Variants in ASB18 observed in about 807,000 individuals in gnomAD.
The protein encoded by ASB18 is ankyrin repeat and SOCS box protein 18.
Under a neutral mutation model 33.4 loss-of-function variants are expected in ASB18, and 33 were observed. The observed-to-expected ratio is 0.99, with a 90% CI of 0.75 to 1.32. The LOEUF is 1.32. Ranked by LOEUF, ASB18 falls within the 40% of genes most tolerant of loss-of-function variation. ASB18 has a pLI of 0.00. For synonymous variants in ASB18, 295 were observed against 307.6 expected (o/e 0.96, Z 0.43); for missense variants, 694 against 655.5 (o/e 1.06, Z -0.64).
intron 3 of ASB18, among the ~76,000 whole-genome samples, chr2:236,218,282 A>G (rs190031220): frequency 1.2e-4 from 19 of 152,288 alleles, no homozygotes; most frequent in Admixed American, 5.9e-4. Flanking sequence ...TAGAGTGGGC[A>G]ATGATTTAAG....
chr2:236,213,931 G>A lies in ASB18; in HGVS notation c.1101+431C>T, dbSNP rs1447677736. The A allele has an allele frequency of 5.9e-6, 1 of 170,592 alleles. No individual in the cohort carries two copies. The highest frequency in any genetic ancestry group is 1.3e-5 in the Non-Finnish European group (1 of 80,000). 10.6% of individuals were successfully genotyped at this position (170,592 alleles called of 1,614,324 possible). On this transcript the variant is annotated intron_variant, in intron 4 of 5. Transcript: ENST00000409749. The surrounding 1 kb of genome is among the most constrained non-coding windows in gnomAD (Gnocchi z 4.8). ...TGGGTAATTTTGTTTCAGATCAAATGCCAGATGTGGCAAAAGACTGATTTT... is the reference window on the plus strand; with the variant it reads ...TGGGTAATTTTGTTTCAGATCAAATACCAGATGTGGCAAAAGACTGATTTT...
chr2:236,225,707 CA>C lies in ASB18; in HGVS notation c.597-10842del, dbSNP rs558297155. Among the ~76,000 whole-genome samples the C allele has an allele frequency of 6.6e-6, 1 of 152,066 alleles. No homozygotes were observed. The highest frequency in any genetic ancestry group is 1.5e-5 in the Non-Finnish European group (1 of 68,018). On this transcript the variant is annotated intron_variant, in intron 3 of 5. Coordinates refer to ENST00000409749, the MANE Select transcript of ASB18 (RefSeq NM_212556.4). The surrounding 1 kb of genome is among the most constrained non-coding windows in gnomAD (Gnocchi z 5.1). ...ACTTTTCTTTTTGGGAAAATCTCTT[CA>C]AAAGGCTCCTAGATTAAAGCTCTGA...
At chr2:236,206,099 T>C (rs1454977708) in intron 4 of ASB18, among the ~76,000 whole-genome samples, 2 of 152,226 alleles carry the variant, frequency 1.3e-5, no homozygotes, top group Non-Finnish European at 2.9e-5. Flanking sequence ...TTCTGATCCA[T>C]TTGTCCTAGG....
In ASB18 at chr2:236,216,047, T is replaced by C. The variant is rs564533469; in HGVS notation, c.597-1181A>G. ...CTCGTCATCTGCATCCTCAGTTCCC[T>C]TGAATGGAGGGGACCATGGCCATCC... On this transcript the variant is annotated intron_variant, in intron 3 of 5. Coordinates refer to ENST00000409749, the MANE Select transcript of ASB18 (RefSeq NM_212556.4). The surrounding 1 kb of genome is among the most constrained non-coding windows in gnomAD (Gnocchi z 6.1). 8.6e-4 allele frequency among the ~76,000 whole-genome samples: 131 copies of C among 152,248 alleles called. No individual in the cohort carries two copies. Among genetic ancestry groups the C allele is most frequent in the African/African-American group, 3.0e-3 (126 of 41,542 alleles).
chr2:236,252,096 C>A lies in ASB18; in HGVS notation c.206-10694G>T, dbSNP rs572435403. Among the ~76,000 whole-genome samples, 3 of 152,238 alleles carry A rather than the reference C, an allele frequency of 2.0e-5. No homozygotes were observed. The highest frequency in any genetic ancestry group is 4.1e-4 in the South Asian group (2 of 4,826). On this transcript the variant is annotated intron_variant, in intron 1 of 5. Coordinates refer to ENST00000409749, the MANE Select transcript of ASB18 (RefSeq NM_212556.4). This position sits in a 1 kb window ranked among gnomAD's most constrained non-coding sequence, Gnocchi z 7.9. ...GACCAGGCTGACCAACAGGGTAAAA[C>A]CCCGTCTCTACTAAAAGTACAAAAA...
rs916155467 is a variant in ASB18, at chr2:236,252,192, A to G, written c.206-10790T>C. Among the ~76,000 whole-genome samples the G allele has an allele frequency of 6.6e-6, 1 of 151,218 alleles. No homozygotes were observed. The highest frequency in any genetic ancestry group is 1.5e-5 in the Non-Finnish European group (1 of 67,864). On this transcript the variant is annotated intron_variant, in intron 1 of 5. Coordinates refer to ENST00000409749, the MANE Select transcript of ASB18 (RefSeq NM_212556.4). The surrounding 1 kb of genome is among the most constrained non-coding windows in gnomAD (Gnocchi z 7.9). ...AGGCTGAGACAGGAGAATTGCTTGA[A>G]CCCAGGAGGCAGAGGTTGCAGTGAG...
Position 236,231,397 on chromosome 2 carries a change from G to C in ASB18, c.596+6292C>G, listed in dbSNP as rs529408832. The stretch of plus-strand genomic sequence containing the variant: ...GATTAGGCCCTCATAGATGGGATTA[G>C]TGCCCTTATAAAAGGGCTTGAGGGA... On this transcript the variant is annotated intron_variant, in intron 3 of 5. Transcript: ENST00000409749. This position sits in a 1 kb window ranked among gnomAD's most constrained non-coding sequence, Gnocchi z 5.5. Among the ~76,000 whole-genome samples the C allele has an allele frequency of 9.1e-4, 139 of 152,266 alleles. No homozygotes were observed. The highest frequency in any genetic ancestry group is 3.1e-3 in the African/African-American group (129 of 41,564).
rs1332867449 is a variant in ASB18, at chr2:236,253,511, G to A, written c.205+10630C>T. ...TCCACCTCAGTCTCCTGAGTCGCTGGGACTACAGCCACTTGCTGGTTAACT... is the reference window on the plus strand; with the variant it reads ...TCCACCTCAGTCTCCTGAGTCGCTGAGACTACAGCCACTTGCTGGTTAACT... On this transcript the variant is annotated intron_variant, in intron 1 of 5. Coordinates refer to ENST00000409749, the MANE Select transcript of ASB18 (RefSeq NM_212556.4). This position sits in a 1 kb window ranked among gnomAD's most constrained non-coding sequence, Gnocchi z 5.4. Among the ~76,000 whole-genome samples, 3 of 150,826 alleles carry A rather than the reference G, an allele frequency of 2.0e-5. No homozygotes were observed. Among genetic ancestry groups the A allele is most frequent in the Non-Finnish European group, 2.9e-5 (2 of 67,866 alleles).
At position 236,200,171 on chromosome 2, in the gene ASB18, G is replaced by A. The variant is rs746403887; in HGVS notation, c.1102-3786C>T. The stretch of plus-strand genomic sequence containing the variant: ...ATACTAGCCTGGCCAACATGGTGAA[G>A]CTCCATCTCTACTAAAAATACAACA... On this transcript the variant is annotated intron_variant, in intron 4 of 5. Transcript: ENST00000409749. This position sits in a 1 kb window ranked among gnomAD's most constrained non-coding sequence, Gnocchi z 4.2. Among the ~76,000 whole-genome samples, 17 of 151,918 alleles carry A rather than the reference G, an allele frequency of 1.1e-4. No individual in the cohort carries two copies. The highest frequency in any genetic ancestry group is 2.4e-4 in the Non-Finnish European group (16 of 67,980).
In ASB18 at chr2:236,203,404, A is replaced by C. The variant is rs2060415642; in HGVS notation, c.1102-7019T>G. 6.6e-6 allele frequency among the ~76,000 whole-genome samples: 1 copy of C among 152,144 alleles called. No individual in the cohort carries two copies. Among genetic ancestry groups the C allele is most frequent in the Non-Finnish European group, 1.5e-5 (1 of 68,040 alleles). On this transcript the variant is annotated intron_variant, in intron 4 of 5. Transcript: ENST00000409749. This position sits in a 1 kb window ranked among gnomAD's most constrained non-coding sequence, Gnocchi z 6.0. ...AGGTTTGGGAGGTGAGAAGGAGCAA[A>C]TAATGTTGGCTGGGGCATGAGTCTG...
Position 236,214,100 on chromosome 2 carries a change from G to A in ASB18, c.1101+262C>T, listed in dbSNP as rs2060471805. ...TCACATGCAACCCCTTAATTGTCTCGTGGCTCTAACCAGAAGGCTTCTAGG... is the reference window on the plus strand; with the variant it reads ...TCACATGCAACCCCTTAATTGTCTCATGGCTCTAACCAGAAGGCTTCTAGG... On this transcript the variant is annotated intron_variant, in intron 4 of 5. Transcript: ENST00000409749. This position sits in a 1 kb window ranked among gnomAD's most constrained non-coding sequence, Gnocchi z 6.5. 8.2e-6 allele frequency: 4 copies of A among 487,494 alleles called. No individual in the cohort carries two copies. The South Asian group carries it at 9.0e-5, about 11-fold the overall frequency. The allele number at this position is 487,494 out of a possible 1,614,324, so 30.2% of individuals were successfully genotyped here.
rs1027186734 is a variant in ASB18, at chr2:236,204,541, A to G, written c.1102-8156T>C. ...TCCTTTGTCACTGACCCTCAAAGGT[A>G]TATCTCCAGGTTGGCCAAATCTCTC... On this transcript the variant is annotated intron_variant, in intron 4 of 5. Transcript: ENST00000409749. This position sits in a 1 kb window ranked among gnomAD's most constrained non-coding sequence, Gnocchi z 5.1. 5.3e-5 allele frequency among the ~76,000 whole-genome samples: 8 copies of G among 152,154 alleles called. No homozygotes were observed. Among genetic ancestry groups the G allele is most frequent in the African/African-American group, 1.9e-4 (8 of 41,434 alleles).
chr2:236,246,346 C>CAA (rs60064230), intron 1 of ASB18, among the ~76,000 whole-genome samples: 3,459 of 32,668 alleles, frequency 0.11, 940 homozygotes, highest in Non-Finnish European at 0.16. Context: ...GACTCCATCT[C>CAA]AAAAAAAAAA....
intron 1 of ASB18, among the ~76,000 whole-genome samples, chr2:236,246,346 CAAAAAAAAAAAAAAAA>C (rs60064230): frequency 2.1e-4 from 7 of 32,700 alleles, no homozygotes; most frequent in East Asian, 4.7e-3. Flanking sequence ...GACTCCATCT[CAAAAAAAAAAAAAAAA>C]AAAAAAAAAA....
At position 236,255,327 on chromosome 2, in the gene ASB18, A is replaced by G. The variant is rs554415062; in HGVS notation, c.205+8814T>C. 2.0e-5 allele frequency among the ~76,000 whole-genome samples: 3 copies of G among 152,058 alleles called. No homozygotes were observed. The highest frequency in any genetic ancestry group is 4.4e-5 in the Non-Finnish European group (3 of 67,970). On this transcript the variant is annotated intron_variant, in intron 1 of 5. Transcript: ENST00000409749. The surrounding 1 kb of genome is among the most constrained non-coding windows in gnomAD (Gnocchi z 4.4). ...CCCAGCTAATTTATATATTTTTTGTAGAGACGGGGTTTCACCATGTTGGCC... is the reference window on the plus strand; with the variant it reads ...CCCAGCTAATTTATATATTTTTTGTGGAGACGGGGTTTCACCATGTTGGCC...
Position 236,208,590 on chromosome 2 carries a change from A to G in ASB18, c.1101+5772T>C, listed in dbSNP as rs11687335. 6.6e-6 allele frequency among the ~76,000 whole-genome samples: 1 copy of G among 151,766 alleles called. No individual in the cohort carries two copies. Among genetic ancestry groups the G allele is most frequent in the Non-Finnish European group, 1.5e-5 (1 of 67,934 alleles). On this transcript the variant is annotated intron_variant, in intron 4 of 5. Coordinates refer to ENST00000409749, the MANE Select transcript of ASB18 (RefSeq NM_212556.4). This position sits in a 1 kb window ranked among gnomAD's most constrained non-coding sequence, Gnocchi z 7.7. ...CCCACCCTGGGAAGAGGTGCCCTCC[A>G]TTAGAGCAAAAGCACCACCTCCTCC...
Position 236,195,520 on chromosome 2 carries a change from C to T in ASB18, c.1216-463G>A, listed in dbSNP as rs1336896315. Among the ~76,000 whole-genome samples the T allele has an allele frequency of 3.5e-5, 5 of 144,766 alleles. No individual in the cohort carries two copies. The highest frequency in any genetic ancestry group is 7.6e-5 in the Non-Finnish European group (5 of 65,824). 95.0% of individuals were successfully genotyped at this position (144,766 alleles called of 152,430 possible). ...AAACACACACAACTCTTCTCACTCTCTTTTTTTTTTTTTGAGATGGAGTCT... is the reference window on the plus strand; with the variant it reads ...AAACACACACAACTCTTCTCACTCTTTTTTTTTTTTTTTGAGATGGAGTCT... On this transcript the variant is annotated intron_variant, in intron 5 of 5. Transcript: ENST00000409749. The surrounding 1 kb of genome is among the most constrained non-coding windows in gnomAD (Gnocchi z 5.5).
chr2:236,208,857 A>T lies in ASB18; in HGVS notation c.1101+5505T>A, dbSNP rs1199955063. On this transcript the variant is annotated intron_variant, in intron 4 of 5. Coordinates refer to ENST00000409749, the MANE Select transcript of ASB18 (RefSeq NM_212556.4). This position sits in a 1 kb window ranked among gnomAD's most constrained non-coding sequence, Gnocchi z 7.7. ...GAGAGGCGGCTGCCACATTACTCTG[A>T]CATGCTGATGTCATTAGTGTCCACG... Among the ~76,000 whole-genome samples the T allele has an allele frequency of 6.6e-6, 1 of 152,212 alleles. No individual in the cohort carries two copies.
chr2:236,249,390 G>A lies in ASB18; in HGVS notation c.206-7988C>T, dbSNP rs1192215760. 1.3e-5 allele frequency: 2 copies of A among 152,216 alleles called. No individual in the cohort carries two copies. The highest frequency in any genetic ancestry group is 1.5e-5 in the Non-Finnish European group (1 of 68,046). The allele number at this position is 152,216 out of a possible 1,614,324, so 9.4% of individuals were successfully genotyped here. On this transcript the variant is annotated intron_variant, in intron 1 of 5. Coordinates refer to ENST00000409749, the MANE Select transcript of ASB18 (RefSeq NM_212556.4). This position sits in a 1 kb window ranked among gnomAD's most constrained non-coding sequence, Gnocchi z 4.6. ...TGTATCTGGCAATCACACTGAGGAT[G>A]TGAAGGGGTCTGTCACAGTTTGCAC...
Sources: gnomAD v4.1 joint callset for allele counts (sites outside exome capture counted in the v4.1 genomes callset) on GRCh38, gnomAD v4.1.1 for gene constraint, Gnocchi (gnomAD v3.1) non-coding constraint, MANE v1.5 for transcripts, NCBI Gene and HGNC (gene_info 2026-07-23, HGNC 2026-07-21) for gene names.